Variants in PAQR5 observed in about 807,000 individuals in gnomAD.
PAQR5 encodes the protein membrane progestin receptor gamma.
A neutral mutation model predicts 34.5 loss-of-function variants in PAQR5; 20 were observed. That is an observed-to-expected ratio of 0.58 (90% CI 0.41 to 0.84). The LOEUF (loss-of-function observed/expected upper bound fraction) is 0.84. Ranked by LOEUF, PAQR5 falls within the 40% of genes least tolerant of loss-of-function variation. PAQR5 has a pLI of 0.00. For missense variants in PAQR5, 378 were observed against 412.7 expected (o/e 0.92, Z 0.73); for synonymous variants, 131 against 155.6 (o/e 0.84, Z 1.18).
intron 1 of PAQR5, among the ~76,000 whole-genome samples, chr15:69,330,111 C>A (rs1381640621): frequency 6.6e-6 from 1 of 152,194 alleles, no homozygotes. Flanking sequence ...ATCCCAAGCT[C>A]TATGTGCCTC....
chr15:69,384,333 A>G (rs2056037024), intron 4 of PAQR5, among the ~76,000 whole-genome samples: 1 of 121,740 alleles, frequency 8.2e-6, no homozygotes, highest in Non-Finnish European at 1.7e-5. Context: ...CTCCGTGTTC[A>G]TCGCGGAGGG....
In PAQR5 at chr15:69,393,744, G is replaced by A. The variant is rs907680914; in HGVS notation, c.513-3724G>A. Among the ~76,000 whole-genome samples, 6 of 152,150 alleles carry A rather than the reference G, an allele frequency of 3.9e-5. No individual in the cohort carries two copies. In the South Asian group the frequency reaches 8.3e-4, roughly 21 times the overall value. On this transcript the variant is annotated intron_variant, in intron 6 of 8. Coordinates refer to ENST00000395407, the MANE Select transcript of PAQR5 (RefSeq NM_017705.4). ...CTTGACAGTTATCTGATGCTTGCCCGAAAATCAGGGTTGAAATGGCATTCG... is the reference window on the plus strand; with the variant it reads ...CTTGACAGTTATCTGATGCTTGCCCAAAAATCAGGGTTGAAATGGCATTCG...
At chr15:69,343,448 C>T (rs574989742) in intron 2 of PAQR5, among the ~76,000 whole-genome samples, 1 of 152,162 alleles carries the variant, frequency 6.6e-6, no homozygotes, top group African/African-American at 2.4e-5. Context: ...AAAAATGTAA[C>T]ACAGATTGAG....
At chr15:69,392,922 G>A (rs536493867) in intron 6 of PAQR5, among the ~76,000 whole-genome samples, 51 of 152,204 alleles carry the variant, frequency 3.4e-4, no homozygotes, top group African/African-American at 1.2e-3. Flanking sequence ...GAGGAGAGCA[G>A]CTACAGAGGG....
chr15:69,307,436 G>A (rs1442238434), intron 1 of PAQR5, among the ~76,000 whole-genome samples: 4 of 152,122 alleles, frequency 2.6e-5, no homozygotes, highest in Non-Finnish European at 5.9e-5. Context: ...GGATGAGCGT[G>A]GAATCTCTGG....
intron 1 of PAQR5, among the ~76,000 whole-genome samples, chr15:69,307,225 A>T (rs1421399155): frequency 6.6e-6 from 1 of 151,884 alleles, no homozygotes; most frequent in Non-Finnish European, 1.5e-5. Context: ...TGTTTCTGAC[A>T]CTTCAGTTGC....
At chr15:69,374,653 G>T (rs1231188686) in intron 3 of PAQR5, among the ~76,000 whole-genome samples, 1 of 152,138 alleles carries the variant, frequency 6.6e-6, no homozygotes, top group East Asian at 1.9e-4. Context: ...CTCCAGCCTG[G>T]GCAACAGAGT....
intron 2 of PAQR5, among the ~76,000 whole-genome samples, chr15:69,359,231 C>A (rs1214970702): frequency 6.6e-6 from 1 of 152,182 alleles, no homozygotes; most frequent in African/African-American, 2.4e-5. Flanking sequence ...CTCCTTGTCA[C>A]CACATTGGAG....
Position 69,371,783 on chromosome 15 carries a change from T to C in PAQR5, c.52-8100T>C, listed in dbSNP as rs377183549. ...ATAATAAATACGTATTTTTAATCCC[T>C]TTAAAAATGGAATAGCCAAACCTAG... On this transcript the variant is annotated intron_variant, in intron 3 of 8. Coordinates refer to ENST00000395407, the MANE Select transcript of PAQR5 (RefSeq NM_017705.4). Among the ~76,000 whole-genome samples the C allele has an allele frequency of 2.0e-5, 3 of 152,210 alleles. No individual in the cohort carries two copies. The East Asian group carries it at 5.8e-4, about 29-fold the overall frequency.
intron 1 of PAQR5, among the ~76,000 whole-genome samples, chr15:69,308,152 G>C (rs1388034137): frequency 6.6e-6 from 1 of 152,222 alleles, no homozygotes; most frequent in African/African-American, 2.4e-5. Flanking sequence ...GGTGGCCTCT[G>C]CTCAGTGTGG....
chr15:69,311,749 G>A (rs981562325), intron 1 of PAQR5, among the ~76,000 whole-genome samples: 22 of 152,208 alleles, frequency 1.4e-4, no homozygotes, highest in African/African-American at 5.3e-4. Context: ...ACTGACCAAA[G>A]CCTGGTGATT....
chr15:69,336,490 T>G (rs2054517707), intron 1 of PAQR5, among the ~76,000 whole-genome samples: 1 of 152,206 alleles, frequency 6.6e-6, no homozygotes, highest in South Asian at 2.1e-4. Flanking sequence ...ATGTTATCAG[T>G]AATAATTATA....
intron 3 of PAQR5, among the ~76,000 whole-genome samples, chr15:69,373,062 C>T (rs536632341): frequency 6.6e-6 from 1 of 152,274 alleles, no homozygotes; most frequent in South Asian, 2.1e-4. Flanking sequence ...CTCCTGGCCC[C>T]TTCCTCCATC....
At chr15:69,388,332 C>T (rs1455109042) in intron 5 of PAQR5, among the ~76,000 whole-genome samples, 1 of 152,192 alleles carries the variant, frequency 6.6e-6, no homozygotes, top group Non-Finnish European at 1.5e-5. Flanking sequence ...AGCTGAAAGC[C>T]TCCCTGCCCT....
chr15:69,340,016 G>A (rs1454508029), intron 2 of PAQR5, among the ~76,000 whole-genome samples: 2 of 152,142 alleles, frequency 1.3e-5, no homozygotes, highest in Admixed American at 1.3e-4. Flanking sequence ...ACAGGCATGT[G>A]CCACCACGCC....
chr15:69,390,344 A>ATTTTATT (rs201375546), intron 6 of PAQR5, among the ~76,000 whole-genome samples: 2 of 118,992 alleles, frequency 1.7e-5, no homozygotes, highest in African/African-American at 2.8e-5. Context: ...TTATTTATTT[A>ATTTTATT]TTTATTTATT....
At chr15:69,361,629 A>G (rs966041927) in intron 3 of PAQR5, among the ~76,000 whole-genome samples, 1 of 152,192 alleles carries the variant, frequency 6.6e-6, no homozygotes, top group African/African-American at 2.4e-5. Context: ...AGAGAGCATG[A>G]TGTGAAGGAG....
intron 2 of PAQR5, among the ~76,000 whole-genome samples, chr15:69,345,483 C>T (rs907122216): frequency 1.3e-5 from 2 of 152,062 alleles, no homozygotes; most frequent in African/African-American, 4.8e-5. Flanking sequence ...TGGATGGACC[C>T]CTAGCCTGAG....
At chr15:69,300,150 AC>A (rs1238984118) in intron 1 of PAQR5, among the ~76,000 whole-genome samples, 1 of 149,832 alleles carries the variant, frequency 6.7e-6, no homozygotes, top group Admixed American at 6.6e-5. Flanking sequence ...CCCACTCCCC[AC>A]CCCCCTAGGT....
Sources: gnomAD v4.1 joint callset for allele counts (sites outside exome capture counted in the v4.1 genomes callset) on GRCh38, gnomAD v4.1.1 for gene constraint, MANE v1.5 for transcripts, NCBI Gene and HGNC (gene_info 2026-07-23, HGNC 2026-07-21) for gene names.